Variants in MACROD2 observed in about 807,000 individuals in gnomAD.
MACROD2 encodes the protein ADP-ribose glycohydrolase MACROD2.
Under a neutral mutation model 70.4 loss-of-function variants are expected in MACROD2, and 36 were observed. That is an observed-to-expected ratio of 0.51 (90% CI 0.39 to 0.68). The LOEUF (loss-of-function observed/expected upper bound fraction) is 0.68. Among genes scored for constraint, MACROD2 ranks in the 30% least tolerant of loss-of-function variants. The probability of loss-of-function intolerance (pLI) is 0.00; values close to 1 mark genes in which losing one functional copy is unlikely to be tolerated. For synonymous variants in MACROD2, 172 were observed against 178.8 expected, an observed-to-expected ratio of 0.96 and a Z score of 0.30; for missense variants, 496 against 538.4, an observed-to-expected ratio of 0.92 and a Z score of 0.78.
chr20:15,808,757 G>T (rs1568572797), intron 8 of MACROD2, among the ~76,000 whole-genome samples: 1 of 152,086 alleles, frequency 6.6e-6, no homozygotes, highest in Admixed American at 6.5e-5. Context: ...TGACATTTCA[G>T]TAATATATAA....
chr20:15,102,327 C>T (rs547927410), intron 5 of MACROD2, among the ~76,000 whole-genome samples: 1 of 151,992 alleles, frequency 6.6e-6, no homozygotes, highest in Non-Finnish European at 1.5e-5. Context: ...AAGAGGGACT[C>T]TCATGTCCCT....
intron 5 of MACROD2, among the ~76,000 whole-genome samples, chr20:14,811,961 C>A (rs138165958): frequency 6.6e-6 from 1 of 152,052 alleles, no homozygotes; most frequent in African/African-American, 2.4e-5. Flanking sequence ...GACATAGGAA[C>A]GCTTTACACT....
chr20:14,993,246 A>G (rs2074920888), intron 5 of MACROD2, among the ~76,000 whole-genome samples: 1 of 150,840 alleles, frequency 6.6e-6, no homozygotes, highest in South Asian at 2.1e-4. Flanking sequence ...ATGCAACCAG[A>G]TGTTATCTGC....
At chr20:15,450,776 A>G (rs1225635972) in intron 7 of MACROD2, among the ~76,000 whole-genome samples, 2 of 152,204 alleles carry the variant, frequency 1.3e-5, no homozygotes, top group African/African-American at 2.4e-5. Flanking sequence ...TGAGCAAGTC[A>G]TGTAACATGA....
intron 6 of MACROD2, among the ~76,000 whole-genome samples, chr20:15,327,045 C>CA (rs1365711697): frequency 6.6e-6 from 1 of 152,124 alleles, no homozygotes; most frequent in Non-Finnish European, 1.5e-5. Flanking sequence ...ATTTAATATA[C>CA]ATTTTACGTA....
chr20:14,895,613 G>A (rs2073818503), intron 5 of MACROD2: 1 of 152,118 alleles, frequency 6.6e-6, no homozygotes, highest in African/African-American at 2.4e-5. Context: ...TCCAGATGGT[G>A]TTTACATCTG....
chr20:14,893,077 T>C lies in MACROD2; in HGVS notation c.418+208118T>C, dbSNP rs1216889764. The C allele has an allele frequency of 1.3e-5, 2 of 152,264 alleles. 1 individual carries two copies. Among genetic ancestry groups the C allele is most frequent in the Non-Finnish European group, 2.9e-5 (2 of 68,072 alleles). The allele number at this position is 152,264 out of a possible 1,614,324, so 9.4% of individuals were successfully genotyped here. On this transcript the variant is annotated intron_variant, in intron 5 of 17. Coordinates refer to ENST00000684519, the MANE Select transcript of MACROD2 (RefSeq NM_001351661.2). The stretch of plus-strand genomic sequence containing the variant: ...ACCTTTTGTGACTGGCTTATTTCTC[T>C]TAGCATAATGTCTTCAAGGTTTAGC...
At chr20:14,898,933 C>T (rs1335027255) in intron 5 of MACROD2, among the ~76,000 whole-genome samples, 1 of 152,168 alleles carries the variant, frequency 6.6e-6, no homozygotes, top group African/African-American at 2.4e-5. Flanking sequence ...CTGTATGACA[C>T]TAAAAATTCT....
chr20:14,349,175 T>G (rs2083094807), intron 3 of MACROD2, among the ~76,000 whole-genome samples: 1 of 147,516 alleles, frequency 6.8e-6, no homozygotes, highest in African/African-American at 2.5e-5. Flanking sequence ...ATTTACAACT[T>G]GTACCTATAT....
chr20:14,956,083 C>T (rs1215087926), intron 5 of MACROD2, among the ~76,000 whole-genome samples: 1 of 149,746 alleles, frequency 6.7e-6, no homozygotes, highest in African/African-American at 2.5e-5. Flanking sequence ...CATTATCTCT[C>T]ATTGTTTTTA....
chr20:15,869,236 TATAGAGAG>T lies in MACROD2; in HGVS notation c.727+6412_727+6419del, dbSNP rs1167969756. On this transcript the variant is annotated intron_variant, in intron 9 of 17. Coordinates refer to ENST00000684519, the MANE Select transcript of MACROD2 (RefSeq NM_001351661.2). ...ATATATATATATATATATATATATA[TATAGAGAG>T]AGAGAGAGAGAGAGAGAGAGAGAGC... 3.1e-3 allele frequency among the ~76,000 whole-genome samples: 104 copies of T among 33,462 alleles called. No individual in the cohort carries two copies. In the Middle Eastern group the frequency reaches 0.071, roughly 23 times the overall value. 22.0% of individuals were successfully genotyped at this position (33,462 alleles called of 152,430 possible).
chr20:14,748,304 T>C (rs1014933709), intron 5 of MACROD2, among the ~76,000 whole-genome samples: 1 of 152,116 alleles, frequency 6.6e-6, no homozygotes, highest in Non-Finnish European at 1.5e-5. Flanking sequence ...TTACTCTCTG[T>C]CACAATTTGA....
rs56752104 is a variant in MACROD2, at chr20:15,206,721, G to GTTTTTTTTTTTTTTTTTTTT, written c.419-23212_419-23193dup. On this transcript the variant is annotated intron_variant, in intron 5 of 17. Coordinates refer to ENST00000684519, the MANE Select transcript of MACROD2 (RefSeq NM_001351661.2). ...GCATGAAGTCTTTCATATTATCTAT[G>GTTTTTTTTTTTTTTTTTTTT]TTTTTTTTTTTTTTTTTTTTTTTTT... is the stretch of plus-strand genomic sequence containing the variant. Among the ~76,000 whole-genome samples the GTTTTTTTTTTTTTTTTTTTT allele has an allele frequency of 3.7e-3, 121 of 33,002 alleles. 41 individuals carry two copies. Among genetic ancestry groups the GTTTTTTTTTTTTTTTTTTTT allele is most frequent in the African/African-American group, 5.8e-3 (38 of 6,546 alleles). The allele number at this position is 33,002 out of a possible 152,430, so 21.7% of individuals were successfully genotyped here.
At chr20:15,544,234 G>C (rs1469167269) in intron 8 of MACROD2, among the ~76,000 whole-genome samples, 2 of 152,160 alleles carry the variant, frequency 1.3e-5, no homozygotes, top group Non-Finnish European at 2.9e-5. Context: ...ATTTGCTTTA[G>C]TACCTGGCTA....
intron 3 of MACROD2, among the ~76,000 whole-genome samples, chr20:14,430,584 A>C (rs1328694748): frequency 6.6e-6 from 1 of 152,186 alleles, no homozygotes; most frequent in African/African-American, 2.4e-5. Flanking sequence ...GAACATATTT[A>C]AGTGAGATAA....
At chr20:15,603,315 TG>T (rs1348990944) in intron 8 of MACROD2, among the ~76,000 whole-genome samples, 1 of 151,244 alleles carries the variant, frequency 6.6e-6, no homozygotes, top group Admixed American at 6.6e-5. Context: ...CCTGGCCAAC[TG>T]GTGAAACCCC....
chr20:14,975,136 G>A (rs1231286296), intron 5 of MACROD2, among the ~76,000 whole-genome samples: 2 of 152,042 alleles, frequency 1.3e-5, no homozygotes, highest in African/African-American at 4.8e-5. Flanking sequence ...AATGAAAAAT[G>A]TCTCTAGGCA....
chr20:14,063,137 G>A (rs2053709048), intron 2 of MACROD2, among the ~76,000 whole-genome samples: 1 of 152,102 alleles, frequency 6.6e-6, no homozygotes, highest in Admixed American at 6.5e-5. Flanking sequence ...TAAAAAATGG[G>A]ACATGGCTTA....
chr20:14,505,978 A>T (rs1300200533), intron 4 of MACROD2, among the ~76,000 whole-genome samples: 1 of 152,196 alleles, frequency 6.6e-6, no homozygotes, highest in Non-Finnish European at 1.5e-5. Context: ...TCATAGTTGG[A>T]ATCTATGGCA....
Sources: allele counts gnomAD v4.1 joint callset (sites outside exome capture counted in the v4.1 genomes callset), GRCh38; gene constraint gnomAD v4.1.1; transcripts MANE v1.5; gene names NCBI Gene and HGNC (gene_info 2026-07-23, HGNC 2026-07-21).